Variants in LIMCH1 observed in about 807,000 individuals in gnomAD.
The protein encoded by LIMCH1 is LIM and calponin homology domains-containing protein 1.
A neutral mutation model predicts 176.5 loss-of-function variants in LIMCH1; 113 were observed. That is an observed-to-expected ratio of 0.64 (90% confidence interval 0.55 to 0.75). The LOEUF (loss-of-function observed/expected upper bound fraction) is 0.75. Among genes scored for constraint, LIMCH1 ranks in the 30% least tolerant of loss-of-function variants. The pLI is 0.00. For synonymous variants in LIMCH1, 619 were observed against 645.9 expected, an observed-to-expected ratio of 0.96 and a Z score of 0.63; for missense variants, 1,674 against 1,814.9, an observed-to-expected ratio of 0.92 and a Z score of 1.41.
intron 3 of LIMCH1, among the ~76,000 whole-genome samples, chr4:41,526,514 A>T (rs1034311721): frequency 2.0e-5 from 3 of 152,016 alleles, no homozygotes; most frequent in Admixed American, 6.6e-5. Context: ...TGGGAAACAG[A>T]TCGCCATCCC....
At chr4:41,667,624 C>T (rs1366107940) in intron 21 of LIMCH1, among the ~76,000 whole-genome samples, 4 of 151,968 alleles carry the variant, frequency 2.6e-5, no homozygotes, top group Non-Finnish European at 4.4e-5. Flanking sequence ...ACTGTGTAGA[C>T]CATATATAGG....
chr4:41,390,048 T>G (rs1216702242), intron 1 of LIMCH1, among the ~76,000 whole-genome samples: 1 of 152,162 alleles, frequency 6.6e-6, no homozygotes, highest in African/African-American at 2.4e-5. Context: ...CAGCACCATT[T>G]TTTTTTTAAC....
intron 8 of LIMCH1, among the ~76,000 whole-genome samples, chr4:41,629,010 AT>A (rs1283508056): frequency 1.3e-5 from 2 of 152,242 alleles, no homozygotes; most frequent in South Asian, 2.1e-4. Flanking sequence ...GATGTTTAAT[AT>A]GTGAACAATG....
chr4:41,412,995 G>T (rs1418240224), intron 1 of LIMCH1, among the ~76,000 whole-genome samples: 1 of 152,132 alleles, frequency 6.6e-6, no homozygotes, highest in Non-Finnish European at 1.5e-5. Flanking sequence ...AAAGGGAAAG[G>T]ACTTTTTGAG....
At chr4:41,469,153 C>T (rs76005063) in intron 1 of LIMCH1, among the ~76,000 whole-genome samples, 14,102 of 152,100 alleles carry the variant, frequency 0.093, 1,241 homozygotes, top group African/African-American at 0.22. Flanking sequence ...GTAATCTGGG[C>T]CTCCTGGTAG....
intron 3 of LIMCH1, among the ~76,000 whole-genome samples, chr4:41,525,462 C>A (rs1347683221): frequency 6.6e-6 from 1 of 152,228 alleles, no homozygotes; most frequent in South Asian, 2.1e-4. Flanking sequence ...TGACAAAAAA[C>A]CAATTGTGTT....
At chr4:41,666,990 C>T (rs149306402) in intron 21 of LIMCH1, among the ~76,000 whole-genome samples, 21 of 152,132 alleles carry the variant, frequency 1.4e-4, no homozygotes, top group African/African-American at 4.6e-4. Flanking sequence ...GCCTTTAGTC[C>T]CAGCTACTTG....
intron 2 of LIMCH1, among the ~76,000 whole-genome samples, chr4:41,507,305 T>C (rs76505379): frequency 0.014 from 2,119 of 152,214 alleles, 51 homozygotes; most frequent in African/African-American, 0.046. Context: ...TTAGGCATGA[T>C]TGGTTGTTAA....
intron 1 of LIMCH1, among the ~76,000 whole-genome samples, chr4:41,581,108 G>A (rs536372991): frequency 7.0e-5 from 9 of 128,816 alleles, no homozygotes; most frequent in African/African-American, 3.2e-4. Flanking sequence ...TCATCTGTCT[G>A]TCTGTCTATC....
At chr4:41,469,527 T>C (rs2066634044) in intron 1 of LIMCH1, among the ~76,000 whole-genome samples, 1 of 152,182 alleles carries the variant, frequency 6.6e-6, no homozygotes. Context: ...GTCCAAGGCA[T>C]GGCCAGCAGC....
chr4:41,430,484 G>C (rs769253970), intron 1 of LIMCH1, among the ~76,000 whole-genome samples: 1 of 152,144 alleles, frequency 6.6e-6, no homozygotes. Flanking sequence ...GGATGGTCTC[G>C]ATCTCCTGAC....
At chr4:41,605,060 C>T (rs1047706563) in intron 3 of LIMCH1, among the ~76,000 whole-genome samples, 1 of 152,120 alleles carries the variant, frequency 6.6e-6, no homozygotes, top group Admixed American at 6.5e-5. Context: ...ACTTGTAATT[C>T]AGTGTGAAGG....
chr4:41,634,831 A>G (rs1472081176), intron 13 of LIMCH1, among the ~76,000 whole-genome samples: 1 of 152,218 alleles, frequency 6.6e-6, no homozygotes, highest in Non-Finnish European at 1.5e-5. Flanking sequence ...TGGATCACAC[A>G]TGATTCCCGA....
At chr4:41,501,888 A>ATTTT in intron 2 of LIMCH1, among the ~76,000 whole-genome samples, 1 of 110,194 alleles carries the variant, frequency 9.1e-6, no homozygotes, top group Non-Finnish European at 2.0e-5. Context: ...TTTTTTTTTA[A>ATTTT]AAAAAACCTT....
chr4:41,385,878 A>C (rs2056428162), intron 1 of LIMCH1: 1 of 152,190 alleles, frequency 6.6e-6, no homozygotes, highest in South Asian at 2.1e-4. Context: ...TTGTAATGCA[A>C]CTTTTTGGAG....
Position 41,680,106 on chromosome 4 carries a change from A to G in LIMCH1, c.3612+8A>G, listed in dbSNP as rs1714475520. ...CGCAGATACTATGAGGAGGTAGGAAATTCCCAAGAAGGAATTTGACCTTGT... is the reference window on the plus strand; with the variant it reads ...CGCAGATACTATGAGGAGGTAGGAAGTTCCCAAGAAGGAATTTGACCTTGT... On this transcript the variant is annotated splice_region_variant and intron_variant, in intron 24 of 31. Coordinates refer to ENST00000503057, the MANE Select transcript of LIMCH1 (RefSeq NM_001330672.2). 3 of 1,580,766 alleles carry G rather than the reference A, an allele frequency of 1.9e-6. No homozygotes were observed. The highest frequency in any genetic ancestry group is 4.5e-5 in the East Asian group (2 of 44,160).
intron 4 of LIMCH1, among the ~76,000 whole-genome samples, chr4:41,606,635 T>C (rs2090749819): frequency 6.6e-6 from 1 of 152,166 alleles, no homozygotes; most frequent in Non-Finnish European, 1.5e-5. Context: ...AAGGAAACAG[T>C]TGAATGTTTC....
intron 2 of LIMCH1, among the ~76,000 whole-genome samples, chr4:41,508,929 T>C (rs991832748): frequency 6.6e-6 from 1 of 152,226 alleles, no homozygotes; most frequent in Admixed American, 6.5e-5. Flanking sequence ...GTCTAGCTCA[T>C]GTTTGTGTAT....
chr4:41,494,672 G>A, intron 2 of LIMCH1: 1 of 1,012,036 alleles, frequency 9.9e-7, no homozygotes, highest in Non-Finnish European at 1.5e-6. Flanking sequence ...CAGTTTGGCT[G>A]TAAGACTTCT....
Sources: allele counts gnomAD v4.1 joint callset (sites outside exome capture counted in the v4.1 genomes callset), GRCh38; gene constraint gnomAD v4.1.1; transcripts MANE v1.5; gene names NCBI Gene and HGNC (gene_info 2026-07-23, HGNC 2026-07-21).